DGAT2L6: variants seen among roughly 807,000 people sequenced by gnomAD.
DGAT2L6 encodes the protein diacylglycerol O-acyltransferase 2-like protein 6.
In DGAT2L6, 22 loss-of-function variants were observed where a neutral mutation model predicts 25.5. The ratio of observed to expected loss-of-function variants is 0.86; its 90% CI spans 0.62 to 1.23. The LOEUF (loss-of-function observed/expected upper bound fraction) is 1.23, where lower values mean the gene tolerates loss of function less well. Ranked by LOEUF, DGAT2L6 falls within the 50% of genes most tolerant of loss-of-function variation. The pLI, the probability that DGAT2L6 is intolerant of heterozygous loss-of-function variation, is 0.00. For missense variants in DGAT2L6, 287 were observed against 253.2 expected, an observed-to-expected ratio of 1.13 and a Z score of -0.91; for synonymous variants, 100 against 94.7, an observed-to-expected ratio of 1.06 and a Z score of -0.32.
chrX:70,186,770 G>C (rs1409913252), intron 1 of DGAT2L6, among the ~76,000 whole-genome samples: 1 of 111,783 alleles, frequency 8.9e-6, no homozygotes, highest in Non-Finnish European at 1.9e-5. Flanking sequence ...CACCACCTTG[G>C]ATCATCTAAT....
intron 4 of DGAT2L6, among the ~76,000 whole-genome samples, chrX:70,201,668 C>G (rs62605185): frequency 0.11 from 12,044 of 110,041 alleles, 823 homozygotes; most frequent in African/African-American, 0.24. Flanking sequence ...AGTATAGACC[C>G]AACTGCAGAA....
chrX:70,178,798 A>G (rs1300711278), intron 1 of DGAT2L6, among the ~76,000 whole-genome samples: 1 of 112,345 alleles, frequency 8.9e-6, no homozygotes, highest in Non-Finnish European at 1.9e-5. Context: ...ATTTCCTTCA[A>G]TGATGAATGT....
chrX:70,181,357 G>A (rs1278749730), intron 1 of DGAT2L6, among the ~76,000 whole-genome samples: 2 of 112,214 alleles, frequency 1.8e-5, no homozygotes, highest in Non-Finnish European at 1.9e-5. Context: ...ACTTCTTTTA[G>A]ACTGATTAGC....
At chrX:70,198,592 G>C (rs1367729888) in intron 1 of DGAT2L6, among the ~76,000 whole-genome samples, 1 of 111,042 alleles carries the variant, frequency 9.0e-6, no homozygotes, top group Non-Finnish European at 1.9e-5. Context: ...GCCCAGGCTG[G>C]AGTGCAATGG....
intron 1 of DGAT2L6, among the ~76,000 whole-genome samples, chrX:70,180,663 A>G (rs1456610916): frequency 9.0e-6 from 1 of 110,747 alleles, no homozygotes; most frequent in African/African-American, 3.3e-5. Context: ...TATCTTCCCA[A>G]ACTGAAACTC....
At chrX:70,188,237 A>G (rs1014712014) in intron 1 of DGAT2L6, among the ~76,000 whole-genome samples, 1 of 111,467 alleles carries the variant, frequency 9.0e-6, no homozygotes, top group Non-Finnish European at 1.9e-5. Flanking sequence ...TAAAGTCAGG[A>G]TCAGGGATAA....
intron 6 of DGAT2L6, 146 bp downstream of exon 6, chrX:70,204,662 C>T: frequency 1.5e-6 from 1 of 676,661 alleles, no homozygotes; most frequent in East Asian, 3.5e-5. Flanking sequence ...GACAACTAAA[C>T]AGATAAGAGT....
chrX:70,201,787 C>A, intron 4 of DGAT2L6, 103 bp from the exon 5 acceptor site: 1 of 926,615 alleles, frequency 1.1e-6, no homozygotes, highest in Non-Finnish European at 1.5e-6. Context: ...CAGCAATAGT[C>A]AGAAAACAGA....
intron 1 of DGAT2L6, among the ~76,000 whole-genome samples, chrX:70,196,644 A>G (rs188815621): frequency 2.7e-5 from 3 of 111,140 alleles, no homozygotes; most frequent in African/African-American, 6.5e-5. Flanking sequence ...AAAAAAATTA[A>G]TAAGTTGGGC....
chrX:70,197,885 G>A (rs1428111398), intron 1 of DGAT2L6, among the ~76,000 whole-genome samples: 2 of 111,899 alleles, frequency 1.8e-5, no homozygotes, highest in Non-Finnish European at 3.8e-5. Context: ...CTCCCACCAC[G>A]CTTTCCTGTC....
intron 1 of DGAT2L6, among the ~76,000 whole-genome samples, chrX:70,188,439 C>A (rs2147604566): frequency 8.9e-6 from 1 of 111,860 alleles, no homozygotes; most frequent in Non-Finnish European, 1.9e-5. Context: ...ACTCACCTAA[C>A]ATGAAATAAA....
At chrX:70,204,919 A>T (rs1438942563) in intron 6 of DGAT2L6, 33 bp from the exon 7 acceptor site, 3 of 1,148,967 alleles carry the variant, frequency 2.6e-6, no homozygotes, top group Non-Finnish European at 3.5e-6. Flanking sequence ...TGAGGGGGGA[A>T]CTCTGATGTT....
intron 1 of DGAT2L6, among the ~76,000 whole-genome samples, chrX:70,183,394 G>A (rs952632777): frequency 8.9e-6 from 1 of 112,233 alleles, no homozygotes; most frequent in Non-Finnish European, 1.9e-5. Flanking sequence ...CAGGGACAGC[G>A]CCTCCTTTTA....
At chrX:70,201,809 C>G in intron 4 of DGAT2L6, 81 bp from the exon 5 acceptor site, 1 of 1,017,071 alleles carries the variant, frequency 9.8e-7, no homozygotes, top group Non-Finnish European at 1.3e-6. Context: ...GAACTGTCTC[C>G]AAAAGGAAGA....
At chrX:70,184,389 A>G (rs1014230802) in intron 1 of DGAT2L6, among the ~76,000 whole-genome samples, 5 of 111,123 alleles carry the variant, frequency 4.5e-5, no homozygotes, top group Non-Finnish European at 7.5e-5. Flanking sequence ...CACCTTAGAC[A>G]CTGACTTTAT....
intron 1 of DGAT2L6, 88 bp from the exon 2 acceptor site, chrX:70,199,183 C>T (rs1290006706): frequency 3.6e-6 from 2 of 558,725 alleles, no homozygotes; most frequent in Admixed American, 6.5e-5. Context: ...AGCCCTGCTC[C>T]TGTAGTGTAG....
intron 5 of DGAT2L6, among the ~76,000 whole-genome samples, chrX:70,203,417 G>C (rs538405715): frequency 8.9e-6 from 1 of 112,021 alleles, no homozygotes; most frequent in South Asian, 3.7e-4. Flanking sequence ...GAAAGATCTT[G>C]ACCCAGAATA....
chrX:70,195,991 G>A (rs2085389762), intron 1 of DGAT2L6, among the ~76,000 whole-genome samples: 1 of 111,239 alleles, frequency 9.0e-6, no homozygotes, highest in South Asian at 3.7e-4. Flanking sequence ...TATGTATGGT[G>A]GTGAATGTAT....
At chrX:70,204,248 A>G in intron 5 of DGAT2L6, 57 bp from the exon 6 acceptor site, 1 of 1,056,763 alleles carries the variant, frequency 9.5e-7, no homozygotes. Context: ...CACCTTGGAG[A>G]GGATTTTTCC....
Sources: gnomAD v4.1 joint callset for allele counts (sites outside exome capture counted in the v4.1 genomes callset) on GRCh38, gnomAD v4.1.1 for gene constraint, MANE v1.5 for transcripts, NCBI Gene and HGNC (gene_info 2026-07-23, HGNC 2026-07-21) for gene names.